Variants in TRPM3 observed in about 807,000 individuals in gnomAD.
TRPM3 encodes long transient receptor potential channel 3.
TRPM3 carries 77 observed loss-of-function variants against 181.2 expected under a neutral mutation model. The observed-to-expected ratio is 0.42, with a 90% CI of 0.35 to 0.51. TRPM3 has a LOEUF of 0.51. Among genes scored for constraint, TRPM3 ranks in the 20% least tolerant of loss-of-function variants. The probability of loss-of-function intolerance (pLI) is 0.01; values close to 1 mark genes in which losing one functional copy is unlikely to be tolerated. For synonymous variants in TRPM3, 745 were observed against 796.4 expected (o/e 0.94, Z 1.09); for missense variants, 1,759 against 2,196.7 (o/e 0.80, Z 3.98).
chr9:70,556,574 T>C (rs1037279798), intron 22 of TRPM3, among the ~76,000 whole-genome samples: 4 of 151,772 alleles, frequency 2.6e-5, no homozygotes, highest in African/African-American at 9.7e-5. Context: ...ATACAAAAAT[T>C]AGTCAGGCAT....
At position 70,932,602 on chromosome 9, in the gene TRPM3, AAAG is replaced by A. The variant is rs1195357958; in HGVS notation, c.178-68094_178-68092del. Among the ~76,000 whole-genome samples, 15 of 152,214 alleles carry A rather than the reference AAAG, an allele frequency of 9.9e-5. 1 individual carries two copies. The highest frequency in any genetic ancestry group is 3.6e-4 in the African/African-American group (15 of 41,454). On this transcript the variant is annotated intron_variant, in intron 1 of 25. Transcript: ENST00000677713. ...GACCTAGACTAATGCTGACTCTTCCAAAGAAGAGTTATATCAATAGCAGTGGTA... is the reference window on the plus strand; with the variant it reads ...GACCTAGACTAATGCTGACTCTTCCAAAGAGTTATATCAATAGCAGTGGTA...
At chr9:70,555,434 A>T (rs2047448952) in intron 22 of TRPM3, among the ~76,000 whole-genome samples, 1 of 152,218 alleles carries the variant, frequency 6.6e-6, no homozygotes, top group Non-Finnish European at 1.5e-5. Context: ...ATTTCCCATC[A>T]TCTGGCTCAG....
At chr9:70,894,135 C>T (rs970765071) in intron 1 of TRPM3, among the ~76,000 whole-genome samples, 2 of 152,190 alleles carry the variant, frequency 1.3e-5, no homozygotes, top group African/African-American at 4.8e-5. Flanking sequence ...AATACCATCA[C>T]GTGCTCCTTG....
At chr9:70,609,383 A>G (rs1310156245) in intron 19 of TRPM3, among the ~76,000 whole-genome samples, 1 of 152,202 alleles carries the variant, frequency 6.6e-6, no homozygotes, top group Non-Finnish European at 1.5e-5. Flanking sequence ...CCTAACATTG[A>G]TAAATTTGAA....
chr9:71,093,964 A>G (rs1262463955), intron 1 of TRPM3, among the ~76,000 whole-genome samples: 3 of 151,930 alleles, frequency 2.0e-5, no homozygotes, highest in Non-Finnish European at 4.4e-5. Flanking sequence ...GAAGCCATCA[A>G]TCTCAGCAAA....
At chr9:71,040,505 T>C (rs910339089) in intron 1 of TRPM3, among the ~76,000 whole-genome samples, 1 of 152,212 alleles carries the variant, frequency 6.6e-6, no homozygotes, top group Non-Finnish European at 1.5e-5. Context: ...CTAATTCACA[T>C]AGAGTAGCAT....
At chr9:71,020,573 A>G (rs1196335166) in intron 1 of TRPM3, among the ~76,000 whole-genome samples, 2 of 152,214 alleles carry the variant, frequency 1.3e-5, no homozygotes, top group African/African-American at 4.8e-5. Context: ...TAAGCAGTAA[A>G]TGGATTTACA....
At chr9:70,690,763 C>T (rs912246670) in intron 8 of TRPM3, among the ~76,000 whole-genome samples, 1 of 152,084 alleles carries the variant, frequency 6.6e-6, no homozygotes, top group Non-Finnish European at 1.5e-5. Flanking sequence ...GATAGGGATC[C>T]AAACAGGATT....
At chr9:71,152,062 G>A (rs1222692011) in intron 1 of TRPM3, among the ~76,000 whole-genome samples, 1 of 152,104 alleles carries the variant, frequency 6.6e-6, no homozygotes, top group Non-Finnish European at 1.5e-5. Context: ...TTATGATAAT[G>A]AGAGTTTTTA....
In TRPM3 at chr9:71,266,950, C is replaced by T. The variant is rs541342073; in HGVS notation, c.183+179703G>A. ...ATTTTAATCCTTCAAATGCTATATA[C>T]TTCTCTGGCCAAAAAAAAAAAAAAA... On this transcript the variant is annotated intron_variant, in intron 1 of 24. Transcript: ENST00000357533. Among the ~76,000 whole-genome samples, 8 of 132,882 alleles carry T rather than the reference C, an allele frequency of 6.0e-5. No individual in the cohort carries two copies. In the East Asian group the frequency reaches 1.4e-3, roughly 24 times the overall value. 87.2% of individuals were successfully genotyped at this position (132,882 alleles called of 152,430 possible). A position where few individuals can be genotyped will look rare whatever the true frequency, so the allele number is the denominator to read the frequency against.
At chr9:71,012,893 A>G (rs894205492) in intron 1 of TRPM3, among the ~76,000 whole-genome samples, 5 of 152,016 alleles carry the variant, frequency 3.3e-5, no homozygotes, top group Admixed American at 3.3e-4. Context: ...GTTTGATCTC[A>G]TTGGCTGATA....
intron 1 of TRPM3, among the ~76,000 whole-genome samples, chr9:70,967,405 T>A (rs972780591): frequency 6.6e-6 from 1 of 151,890 alleles, no homozygotes; most frequent in Non-Finnish European, 1.5e-5. Context: ...TTTTTTTAAA[T>A]TTTTTAAAAA....
chr9:70,982,937 G>T (rs1469883121), intron 1 of TRPM3, among the ~76,000 whole-genome samples: 1 of 152,150 alleles, frequency 6.6e-6, no homozygotes, highest in Non-Finnish European at 1.5e-5. Context: ...CTGACCTCGT[G>T]TTCCACCTGC....
chr9:70,761,915 A>G (rs1401064020), intron 7 of TRPM3, among the ~76,000 whole-genome samples, 191 bp from the exon 8 acceptor site: 2 of 152,100 alleles, frequency 1.3e-5, no homozygotes, highest in Admixed American at 6.6e-5. Context: ...AATCAATTTT[A>G]CTCTCTCAGA....
chr9:71,220,842 T>C (rs917530751), intron 1 of TRPM3, among the ~76,000 whole-genome samples: 2 of 151,616 alleles, frequency 1.3e-5, no homozygotes, highest in African/African-American at 4.8e-5. Context: ...ATTGACACCA[T>C]CCCCTGCCCA....
At chr9:71,025,610 A>G (rs183585864) in intron 1 of TRPM3, among the ~76,000 whole-genome samples, 12 of 152,218 alleles carry the variant, frequency 7.9e-5, no homozygotes, top group Non-Finnish European at 1.5e-4. Context: ...CAATATACAC[A>G]ATATGTAGCG....
At chr9:71,146,590 G>T (rs1587643014) in intron 1 of TRPM3, among the ~76,000 whole-genome samples, 1 of 152,090 alleles carries the variant, frequency 6.6e-6, no homozygotes, top group Non-Finnish European at 1.5e-5. Context: ...GTGGAGACTG[G>T]TTTTTTGTCC....
At chr9:71,409,027 G>C (rs533785774) in intron 1 of TRPM3, among the ~76,000 whole-genome samples, 121 of 152,252 alleles carry the variant, frequency 7.9e-4, no homozygotes, top group African/African-American at 2.6e-3. Context: ...AAGTGAAGGA[G>C]ATATGAAATC....
At chr9:71,183,307 G>C (rs1399272628) in intron 1 of TRPM3, among the ~76,000 whole-genome samples, 2 of 152,112 alleles carry the variant, frequency 1.3e-5, no homozygotes, top group African/African-American at 4.8e-5. Flanking sequence ...AGTTCTCTAA[G>C]GATAATGAAC....
Sources: allele counts gnomAD v4.1 joint callset (sites outside exome capture counted in the v4.1 genomes callset), GRCh38; gene constraint gnomAD v4.1.1; transcripts MANE v1.5; gene names NCBI Gene and HGNC (gene_info 2026-07-23, HGNC 2026-07-21).